TARBP2: variants seen among roughly 807,000 people sequenced by gnomAD.
TARBP2 encodes the protein RISC-loading complex subunit TARBP2.
TARBP2 carries 23 observed loss-of-function variants against 40.4 expected under a neutral mutation model. The ratio of observed to expected loss-of-function variants is 0.57; its 90% CI spans 0.41 to 0.81. The LOEUF is 0.81. Ranked by LOEUF, TARBP2 falls within the 30% of genes least tolerant of loss-of-function variation. TARBP2 has a pLI of 0.00. For synonymous variants in TARBP2, 183 were observed against 190.5 expected (o/e 0.96, Z 0.32); for missense variants, 358 against 473.7 (o/e 0.76, Z 2.27).
chr12:53,505,270 G>T lies in TARBP2; in HGVS notation c.741+8G>T. The T allele has an allele frequency of 6.3e-7, 1 of 1,581,588 alleles. No homozygotes were observed. The highest frequency in any genetic ancestry group is 1.1e-5 in the South Asian group (1 of 88,722). On this transcript the variant is annotated splice_region_variant and intron_variant, in intron 7 of 8. Transcript: ENST00000266987. The surrounding 1 kb of genome is among the most constrained non-coding windows in gnomAD (Gnocchi z 4.5). ...GATGACCACTTCTCCATTGTGAGTG[G>T]CTCATGTGGGCCGGGCACCGTGGCC...
rs907745713 is a variant in TARBP2, at chr12:53,506,397, G to A, written c.*249G>A. On this transcript the variant is annotated 3_prime_UTR_variant, in exon 9 of 9. Transcript: ENST00000266987. ...TGAAATCAGGGGGCTGTCTACTAGA[G>A]CCTGGAATAAATATGCTGCTTTGTG... 1.8e-6 allele frequency: 1 copy of A among 545,660 alleles called. No homozygotes were observed. The highest frequency in any genetic ancestry group is 3.2e-6 in the Non-Finnish European group (1 of 309,126). 33.8% of individuals were successfully genotyped at this position (545,660 alleles called of 1,614,324 possible).
chr12:53,503,654 C>T (rs913271439), intron 3 of TARBP2, 59 bp from the exon 4 acceptor site: 4 of 1,297,732 alleles, frequency 3.1e-6, no homozygotes, highest in Non-Finnish European at 4.5e-6. Flanking sequence ...GTGGGTCCCC[C>T]ACCCCTCTCT....
Position 53,504,475 on chromosome 12 carries a change from T to C in TARBP2, c.495+6T>C, listed in dbSNP as rs1456958536. On this transcript the variant is annotated splice_donor_region_variant and intron_variant, in intron 5 of 8. Coordinates refer to ENST00000266987, the MANE Select transcript of TARBP2 (RefSeq NM_134323.2). ...ACCCCGTTGGTGCTCTGCAGGTGTG[T>C]CCCATCCTCATTTCCCATGCATGCC... 1.2e-6 allele frequency: 2 copies of C among 1,613,450 alleles called. No homozygotes were observed. Among genetic ancestry groups the C allele is most frequent in the Non-Finnish European group, 1.7e-6 (2 of 1,179,664 alleles).
At chr12:53,504,138 C>T in intron 4 of TARBP2, 2 of 572,044 alleles carry the variant, frequency 3.5e-6, no homozygotes, top group Non-Finnish European at 6.2e-6. Flanking sequence ...TCTTCTCCCA[C>T]TGTCCTGGCT....
rs1033588551 is a variant in TARBP2, at chr12:53,505,014, C to A, written c.614-121C>A. 2 of 1,500,958 alleles carry A rather than the reference C, an allele frequency of 1.3e-6. No homozygotes were observed. Among genetic ancestry groups the A allele is most frequent in the African/African-American group, 1.4e-5 (1 of 71,774 alleles). The allele number at this position is 1,500,958 out of a possible 1,614,324, so 93.0% of individuals were successfully genotyped here. A position where few individuals can be genotyped will look rare whatever the true frequency, so the allele number is the denominator to read the frequency against. ...CTGACCAGGTTCTCACGTGCATGGG[C>A]AGGTCTTGAGTTCCCCTTTCCAGTT... On this transcript the variant is annotated intron_variant, in intron 6 of 8. Transcript: ENST00000266987. This position sits in a 1 kb window ranked among gnomAD's most constrained non-coding sequence, Gnocchi z 4.5.
At position 53,505,636 on chromosome 12, in the gene TARBP2, C is replaced by G. The variant is rs753900289; in HGVS notation, c.742-13C>G. ...CTCTCGCTTCATCTTTCTCACTGTT[C>G]CCATCTTGACAGGGTGTGGGCTCCC... On this transcript the variant is annotated splice_polypyrimidine_tract_variant and intron_variant, in intron 7 of 8. Coordinates refer to ENST00000266987, the MANE Select transcript of TARBP2 (RefSeq NM_134323.2). This position sits in a 1 kb window ranked among gnomAD's most constrained non-coding sequence, Gnocchi z 4.5. 1.2e-6 allele frequency: 2 copies of G among 1,612,780 alleles called. No homozygotes were observed. The highest frequency in any genetic ancestry group is 3.3e-5 in the Admixed American group (2 of 59,998).
In TARBP2 at chr12:53,501,944, G is replaced by A. The variant is rs537358482; in HGVS notation, c.54-71G>A. On this transcript the variant is annotated intron_variant, in intron 1 of 8. Transcript: ENST00000266987. Reference sequence around the variant, plus strand: ...TGTCCCCCATAATGTGCCTAGGTCTGGTATGGAAGTGCTTGGCTAGGTGGG... The same window carrying A: ...TGTCCCCCATAATGTGCCTAGGTCTAGTATGGAAGTGCTTGGCTAGGTGGG... 6 of 1,586,848 alleles carry A rather than the reference G, an allele frequency of 3.8e-6. No homozygotes were observed. The African/African-American group carries it at 6.7e-5, about 18-fold the overall frequency.
In TARBP2 at chr12:53,506,421, T is replaced by C. The variant is rs1410921775; in HGVS notation, c.*273T>C. On this transcript the variant is annotated 3_prime_UTR_variant, in exon 9 of 9. Transcript: ENST00000266987. ...AGCCTGGAATAAATATGCTGCTTTG[T>C]GGATTTTTAAGCCCTTCTCTTCTGT... 1 of 521,384 alleles carries C rather than the reference T, an allele frequency of 1.9e-6. No homozygotes were observed. The highest frequency in any genetic ancestry group is 2.9e-5 in the South Asian group (1 of 34,052). The allele number at this position is 521,384 out of a possible 1,614,324, so 32.3% of individuals were successfully genotyped here.
intron 3 of TARBP2, 146 bp downstream of exon 3, chr12:53,503,275 T>G: frequency 7.2e-7 from 1 of 1,398,596 alleles, no homozygotes; most frequent in Non-Finnish European, 9.3e-7. Flanking sequence ...GAACAGGGTT[T>G]TCCAGGGCTT....
At chr12:53,501,854 A>G in intron 1 of TARBP2, 161 bp from the exon 2 acceptor site, 1 of 1,339,716 alleles carries the variant, frequency 7.5e-7, no homozygotes, top group Non-Finnish European at 1.0e-6. Flanking sequence ...CTACTTTTCC[A>G]GCCTGCACCT....
chr12:53,502,468 T>A (rs994013916), intron 2 of TARBP2: 15 of 427,190 alleles, frequency 3.5e-5, no homozygotes, highest in Non-Finnish European at 6.0e-5. Flanking sequence ...GTGGAGTATT[T>A]GGGGGAGTGA....
rs1943693893 is a variant in TARBP2 at position 53,501,380 on chromosome 12, C to T, written c.-29C>T. On this transcript the variant is annotated 5_prime_UTR_variant, in exon 1 of 9. In the 5' UTR this introduces an upstream ATG that the reference lacks. Transcript: ENST00000266987. The stretch of plus-strand genomic sequence containing the variant: ...TTGGGGCGCGTGGAGGCTGCAGTCA[C>T]GGTGGCGCCCGCGGGGACGGAGGAG... The T allele has an allele frequency of 1.9e-6, 3 of 1,555,208 alleles. No homozygotes were observed. The highest frequency in any genetic ancestry group is 2.6e-6 in the Non-Finnish European group (3 of 1,149,228).
In TARBP2 at chr12:53,502,284, C is replaced by G. The variant is rs1199260230; in HGVS notation, c.223+100C>G. On this transcript the variant is annotated intron_variant, in intron 2 of 8. Coordinates refer to ENST00000266987, the MANE Select transcript of TARBP2 (RefSeq NM_134323.2). ...TCTTCACAGTCCTTTTCTCCAAGGC[C>G]AGTGAGGGAAGGAGAGATTTCAGGG... 8 of 1,429,600 alleles carry G rather than the reference C, an allele frequency of 5.6e-6. No individual in the cohort carries two copies. The South Asian group carries it at 8.0e-5, about 14-fold the overall frequency. 88.6% of individuals were successfully genotyped at this position (1,429,600 alleles called of 1,614,324 possible).
chr12:53,502,125 G>T lies in TARBP2; in HGVS notation c.164G>T (p.Gly55Val). The change falls in exon 2 of 9, where the codon GGC (glycine) becomes GTC (valine). Residue 55 changes from glycine (G) to valine (V), a missense_variant. Gly to Val is a moderately radical substitution (Grantham distance 109). Transcript: ENST00000266987. ...TPVYDLLKAE[G>V]QAHQPNFTFR... ...GTGTACGACCTTCTCAAAGCCGAGG[G>T]CCAAGCCCACCAGCCTAATTTCACC... 1 of 1,614,204 alleles carries T rather than the reference G, an allele frequency of 6.2e-7. No homozygotes were observed. Among genetic ancestry groups the T allele is most frequent in the Non-Finnish European group, 8.5e-7 (1 of 1,180,044 alleles).
At chr12:53,503,673 T>TA in intron 3 of TARBP2, 40 bp from the exon 4 acceptor site, 1 of 1,466,800 alleles carries the variant, frequency 6.8e-7, no homozygotes, top group Non-Finnish European at 9.6e-7. Flanking sequence ...CTTCCCCCTA[T>TA]ACATGGGTGT....
At chr12:53,504,212 T>G in intron 4 of TARBP2, 185 bp from the exon 5 acceptor site, 1 of 585,766 alleles carries the variant, frequency 1.7e-6, no homozygotes, top group Non-Finnish European at 3.0e-6. Context: ...CTCCCTTGAG[T>G]GGGAGGGGGA....
In TARBP2 at chr12:53,506,415, G is replaced by T; in HGVS notation, c.*267G>T. On this transcript the variant is annotated 3_prime_UTR_variant, in exon 9 of 9. Coordinates refer to ENST00000266987, the MANE Select transcript of TARBP2 (RefSeq NM_134323.2). ...TACTAGAGCCTGGAATAAATATGCT[G>T]CTTTGTGGATTTTTAAGCCCTTCTC... 1 of 524,092 alleles carries T rather than the reference G, an allele frequency of 1.9e-6. No individual in the cohort carries two copies. Among genetic ancestry groups the T allele is most frequent in the South Asian group, 2.9e-5 (1 of 34,330 alleles). The allele number at this position is 524,092 out of a possible 1,614,324, so 32.5% of individuals were successfully genotyped here. A position where few individuals can be genotyped will look rare whatever the true frequency, so the allele number is the denominator to read the frequency against.
Position 53,504,025 on chromosome 12 carries a change from G to A in TARBP2, c.422+217G>A, listed in dbSNP as rs1414431764. 1.8e-5 allele frequency: 11 copies of A among 598,366 alleles called. No individual in the cohort carries two copies. In the East Asian group the frequency reaches 3.1e-4, roughly 17 times the overall value. The allele number at this position is 598,366 out of a possible 1,614,324, so 37.1% of individuals were successfully genotyped here. ...TCAGACAGCCTTATGAATGATGTCCGACCATGTTTAAGGGTCTTGCAGGCC... is the reference window on the plus strand; with the variant it reads ...TCAGACAGCCTTATGAATGATGTCCAACCATGTTTAAGGGTCTTGCAGGCC... On this transcript the variant is annotated intron_variant, in intron 4 of 8. Coordinates refer to ENST00000266987, the MANE Select transcript of TARBP2 (RefSeq NM_134323.2).
chr12:53,504,261 TG>T (rs1170057699), intron 4 of TARBP2, 135 bp from the exon 5 acceptor site: 1 of 808,414 alleles, frequency 1.2e-6, no homozygotes. Flanking sequence ...GCTAGATGTG[TG>T]GACAGACAGC....
Sources: allele counts gnomAD v4.1 joint callset, GRCh38; gene constraint gnomAD v4.1.1; non-coding constraint Gnocchi (gnomAD v3.1); transcripts MANE v1.5; gene names NCBI Gene and HGNC (gene_info 2026-07-23, HGNC 2026-07-21).